The following SLC35F1 variants were observed in gnomAD, a reference collection of about 807,000 sequenced individuals.
The protein encoded by SLC35F1 is solute carrier family 35 member F1, also known as chromosome 6 open reading frame 169.
SLC35F1 carries 14 observed loss-of-function variants against 48.7 expected under a neutral mutation model. The observed-to-expected ratio is 0.29, with a 90% confidence interval of 0.19 to 0.45. SLC35F1 has a LOEUF of 0.45. Ranked by LOEUF, SLC35F1 falls within the 20% of genes least tolerant of loss-of-function variation. The pLI is 1.00. For synonymous variants in SLC35F1, 190 were observed against 202.2 expected, an observed-to-expected ratio of 0.94 and a Z score of 0.51; for missense variants, 404 against 500.0, an observed-to-expected ratio of 0.81 and a Z score of 1.83.
At chr6:118,090,227 C>T (rs1230107897) in intron 1 of SLC35F1, among the ~76,000 whole-genome samples, 5 of 152,102 alleles carry the variant, frequency 3.3e-5, no homozygotes, top group Non-Finnish European at 7.3e-5. Flanking sequence ...TTTAACTGGC[C>T]AGGATGCTCT....
intron 1 of SLC35F1, among the ~76,000 whole-genome samples, chr6:118,021,133 T>G (rs1159594058): frequency 6.6e-6 from 1 of 152,074 alleles, no homozygotes; most frequent in Non-Finnish European, 1.5e-5. Flanking sequence ...CTGCTGTAAC[T>G]CAGTTGGGGA....
At chr6:118,228,309 ATGG>A (rs1562332051) in intron 2 of SLC35F1, among the ~76,000 whole-genome samples, 3 of 152,106 alleles carry the variant, frequency 2.0e-5, no homozygotes, top group Admixed American at 1.3e-4. Flanking sequence ...TTCATACTAA[ATGG>A]AATAGTTTTA....
intron 1 of SLC35F1, among the ~76,000 whole-genome samples, chr6:117,924,592 G>A (rs1582566205): frequency 6.8e-6 from 1 of 147,348 alleles, no homozygotes; most frequent in African/African-American, 2.5e-5. Context: ...AACCTAGTTG[G>A]CTTTTAAATT....
chr6:118,119,165 T>G (rs559937775), intron 1 of SLC35F1, among the ~76,000 whole-genome samples: 68 of 152,224 alleles, frequency 4.5e-4, no homozygotes, highest in Non-Finnish European at 7.1e-4. Context: ...GGGGAAGCAA[T>G]GGAGCATAAG....
At chr6:118,183,512 TAA>T (rs140253532) in intron 2 of SLC35F1, among the ~76,000 whole-genome samples, 1 of 150,184 alleles carries the variant, frequency 6.7e-6, no homozygotes, top group African/African-American at 2.4e-5. Flanking sequence ...TAAATTAAAT[TAA>T]AAAAAAAGAA....
At chr6:118,102,330 T>G (rs1773269863) in intron 1 of SLC35F1, among the ~76,000 whole-genome samples, 2 of 152,250 alleles carry the variant, frequency 1.3e-5, no homozygotes, top group Middle Eastern at 3.4e-3. Context: ...ACTACAAGCA[T>G]GCACCGCCAC....
At chr6:117,960,953 T>C (rs1240637423) in intron 1 of SLC35F1, among the ~76,000 whole-genome samples, 1 of 152,178 alleles carries the variant, frequency 6.6e-6, no homozygotes, top group East Asian at 1.9e-4. Flanking sequence ...TGCCATATGA[T>C]ACCCTGCTCT....
intron 1 of SLC35F1, among the ~76,000 whole-genome samples, chr6:118,119,909 G>A (rs1032396060): frequency 6.6e-6 from 1 of 152,178 alleles, no homozygotes; most frequent in Non-Finnish European, 1.5e-5. Flanking sequence ...GAAACCAGAA[G>A]AGGCAGATGG....
At chr6:118,245,550 C>T (rs1369479674) in intron 3 of SLC35F1, among the ~76,000 whole-genome samples, 1 of 152,184 alleles carries the variant, frequency 6.6e-6, no homozygotes, top group African/African-American at 2.4e-5. Context: ...TCTCTCTCTT[C>T]TTGTGGACTG....
intron 1 of SLC35F1, among the ~76,000 whole-genome samples, chr6:117,966,131 G>C (rs56666561): frequency 2.9e-3 from 290 of 100,830 alleles, no homozygotes; most frequent in African/African-American, 5.0e-3. Context: ...GCAGGCCACC[G>C]CCCCCCCCCC....
At chr6:118,161,424 G>C (rs974257860) in intron 2 of SLC35F1, among the ~76,000 whole-genome samples, 2 of 152,162 alleles carry the variant, frequency 1.3e-5, no homozygotes, top group Non-Finnish European at 2.9e-5. Context: ...CTAAATCACT[G>C]AGAAGGGACT....
Position 118,297,666 on chromosome 6 carries a change from T to TATA in SLC35F1, c.1002+12328_1002+12329insATA, listed in dbSNP as rs1270860046. 5.2e-5 allele frequency among the ~76,000 whole-genome samples: 6 copies of TATA among 115,130 alleles called. No homozygotes were observed. The South Asian group carries it at 7.8e-4, about 15-fold the overall frequency. The allele number at this position is 115,130 out of a possible 152,430, so 75.5% of individuals were successfully genotyped here. Reference sequence around the variant, plus strand: ...AAATATATATATAATATATATAATATTATATAAGTTCTGAGAAATATATAT... The same window carrying TATA: ...AAATATATATATAATATATATAATATATATATATAAGTTCTGAGAAATATATAT... On this transcript the variant is annotated intron_variant, in intron 7 of 7. Coordinates refer to ENST00000360388, the MANE Select transcript of SLC35F1 (RefSeq NM_001029858.4).
rs1220633989 is a variant in SLC35F1, at chr6:118,316,005, C to T, written c.*1753C>T. 2 of 152,190 alleles carry T rather than the reference C, an allele frequency of 1.3e-5. No individual in the cohort carries two copies. Among genetic ancestry groups the T allele is most frequent in the East Asian group, 3.9e-4 (2 of 5,192 alleles). 9.4% of individuals were successfully genotyped at this position (152,190 alleles called of 1,614,324 possible). A position where few individuals can be genotyped will look rare whatever the true frequency, so the allele number is the denominator to read the frequency against. The stretch of plus-strand genomic sequence containing the variant: ...AGGGGAAAAATACATGTTTATGAGA[C>T]ATTGGGCAATTCAAATCAACATGTG... On this transcript the variant is annotated 3_prime_UTR_variant, in exon 8 of 8. Coordinates refer to ENST00000360388, the MANE Select transcript of SLC35F1 (RefSeq NM_001029858.4).
chr6:118,157,253 A>G (rs1357480099), intron 2 of SLC35F1, among the ~76,000 whole-genome samples: 1 of 152,034 alleles, frequency 6.6e-6, no homozygotes, highest in Non-Finnish European at 1.5e-5. Context: ...AGGTGCAGGG[A>G]AGGCAGGAGG....
chr6:118,253,334 A>G (rs1775600347), intron 3 of SLC35F1, among the ~76,000 whole-genome samples: 1 of 152,162 alleles, frequency 6.6e-6, no homozygotes, highest in South Asian at 2.1e-4. Flanking sequence ...TTCGCTTAGT[A>G]AGAAGAGGAC....
chr6:118,233,344 G>A (rs1324404644), intron 2 of SLC35F1, among the ~76,000 whole-genome samples: 2 of 152,190 alleles, frequency 1.3e-5, no homozygotes, highest in Non-Finnish European at 2.9e-5. Flanking sequence ...AAATCCTGAC[G>A]AATGTGTTGA....
chr6:118,115,049 C>A (rs1446494933), intron 1 of SLC35F1, among the ~76,000 whole-genome samples: 1 of 152,136 alleles, frequency 6.6e-6, no homozygotes, highest in Non-Finnish European at 1.5e-5. Context: ...TAAGTGTCAC[C>A]ATCAAGATCG....
intron 1 of SLC35F1, among the ~76,000 whole-genome samples, chr6:117,939,714 A>T (rs1776205283): frequency 6.6e-6 from 1 of 152,184 alleles, no homozygotes; most frequent in Non-Finnish European, 1.5e-5. Context: ...AATAGGGAGG[A>T]GATGGTTTTT....
chr6:118,116,088 G>T (rs1163590693), intron 1 of SLC35F1, among the ~76,000 whole-genome samples: 2 of 152,116 alleles, frequency 1.3e-5, no homozygotes, highest in African/African-American at 4.8e-5. Context: ...CTTGATAAAA[G>T]AAGTATTTCA....
Sources: gnomAD v4.1 joint callset for allele counts (sites outside exome capture counted in the v4.1 genomes callset) on GRCh38, gnomAD v4.1.1 for gene constraint, MANE v1.5 for transcripts, NCBI Gene and HGNC (gene_info 2026-07-23, HGNC 2026-07-21) for gene names.